The following SLIT3 variants were observed in gnomAD, a reference collection of about 807,000 sequenced individuals.
SLIT3 encodes the protein slit homolog 3 protein.
In SLIT3, 68 loss-of-function variants were observed where a neutral mutation model predicts 184.0. That is an observed-to-expected ratio of 0.37 (90% CI 0.30 to 0.45). SLIT3 has a LOEUF of 0.45. SLIT3 is among the 20% of genes least tolerant of loss of function. The probability of loss-of-function intolerance (pLI) is 1.00; values close to 1 mark genes in which losing one functional copy is unlikely to be tolerated. For synonymous variants in SLIT3, 831 were observed against 828.6 expected (o/e 1.00, Z -0.05); for missense variants, 1,707 against 2,026.0 (o/e 0.84, Z 3.02).
At chr5:168,782,582 C>G (rs1020410109) in intron 12 of SLIT3, among the ~76,000 whole-genome samples, 2 of 152,186 alleles carry the variant, frequency 1.3e-5, no homozygotes, top group African/African-American at 4.8e-5. Flanking sequence ...GACCATTCAC[C>G]CTGAGCTTCC....
intron 8 of SLIT3, among the ~76,000 whole-genome samples, chr5:168,806,984 C>T (rs976343540): frequency 2.4e-4 from 36 of 152,118 alleles, no homozygotes; most frequent in African/African-American, 8.4e-4. Flanking sequence ...AGCTTTTAGA[C>T]CTTTCTCTAG....
At chr5:168,777,682 G>T (rs1419793082) in intron 12 of SLIT3, among the ~76,000 whole-genome samples, 4 of 152,190 alleles carry the variant, frequency 2.6e-5, no homozygotes, top group Non-Finnish European at 5.9e-5. Context: ...AGAGTCTCCT[G>T]GTCACTCATT....
At chr5:168,765,252 G>C (rs966158592) in intron 14 of SLIT3, among the ~76,000 whole-genome samples, 3 of 152,148 alleles carry the variant, frequency 2.0e-5, no homozygotes, top group South Asian at 2.1e-4. Context: ...AGCAGGAATC[G>C]CTCTCAGTAG....
chr5:168,889,291 C>A (rs1171743765), intron 4 of SLIT3, among the ~76,000 whole-genome samples: 1 of 152,138 alleles, frequency 6.6e-6, no homozygotes, highest in South Asian at 2.1e-4. Context: ...AAATGAGCAC[C>A]AAGCATATGT....
At chr5:169,058,289 C>T (rs545987984) in intron 4 of SLIT3, among the ~76,000 whole-genome samples, 17 of 152,322 alleles carry the variant, frequency 1.1e-4, no homozygotes, top group African/African-American at 3.8e-4. Context: ...ATTCCAACAC[C>T]GATTCTTTGT....
chr5:168,875,004 G>C (rs1203602798), intron 5 of SLIT3, among the ~76,000 whole-genome samples: 1 of 151,972 alleles, frequency 6.6e-6, no homozygotes, highest in Non-Finnish European at 1.5e-5. Flanking sequence ...AAGAGTAAGG[G>C]CTCAGTGGTA....
intron 28 of SLIT3, among the ~76,000 whole-genome samples, chr5:168,694,636 TGA>T (rs1259272950): frequency 6.6e-6 from 1 of 152,314 alleles, no homozygotes; most frequent in Non-Finnish European, 1.5e-5. Context: ...TTTCTTTTTT[TGA>T]GACAGAGTTT....
rs2915812 is a variant in SLIT3 at position 168,742,528 on chromosome 5, C to A, written c.2270+5774G>T. Among the ~76,000 whole-genome samples, 21 of 90,906 alleles carry A rather than the reference C, an allele frequency of 2.3e-4. 3 individuals carry two copies. In the Middle Eastern group the frequency reaches 0.02, roughly 88 times the overall value. 59.6% of individuals were successfully genotyped at this position (90,906 alleles called of 152,430 possible). A position where few individuals can be genotyped will look rare whatever the true frequency, so the allele number is the denominator to read the frequency against. ...ACTCACCACGGCCTTTGAGACATAC[C>A]AGCTGCACACTTTCAGGCTTCTACT... On this transcript the variant is annotated intron_variant, in intron 20 of 35. Transcript: ENST00000519560.
At chr5:168,989,004 G>C (rs775975598) in intron 4 of SLIT3, among the ~76,000 whole-genome samples, 56 of 152,186 alleles carry the variant, frequency 3.7e-4, no homozygotes, top group Middle Eastern at 3.4e-3. Flanking sequence ...CAATGTTATT[G>C]GACATTTACA....
rs13359988 is a variant in SLIT3, at chr5:169,017,605, A to G, written c.414-134269T>C. On this transcript the variant is annotated intron_variant, in intron 4 of 35. Transcript: ENST00000519560. Reference sequence around the variant, plus strand: ...AATTGCAGCCAGCTCCTTTGAGTCAACTGATGCTTCCCACAAGCCTCTGCA... The same window carrying G: ...AATTGCAGCCAGCTCCTTTGAGTCAGCTGATGCTTCCCACAAGCCTCTGCA... 2.6e-3 allele frequency among the ~76,000 whole-genome samples: 401 copies of G among 152,336 alleles called. 3 individuals carry two copies. The highest frequency in any genetic ancestry group is 9.4e-3 in the African/African-American group (389 of 41,580).
At chr5:168,907,531 G>A (rs1761090903) in intron 4 of SLIT3, among the ~76,000 whole-genome samples, 1 of 152,136 alleles carries the variant, frequency 6.6e-6, no homozygotes, top group Admixed American at 6.6e-5. Flanking sequence ...GTGATAAAAC[G>A]AATGACTTCC....
At chr5:168,850,488 A>C (rs1317780042) in intron 5 of SLIT3, among the ~76,000 whole-genome samples, 1 of 152,220 alleles carries the variant, frequency 6.6e-6, no homozygotes, top group Admixed American at 6.5e-5. Flanking sequence ...TATAACTGGT[A>C]AAGCAATTGT....
intron 4 of SLIT3, among the ~76,000 whole-genome samples, chr5:168,886,601 C>A (rs1317800576): frequency 1.3e-5 from 2 of 152,142 alleles, no homozygotes; most frequent in African/African-American, 4.8e-5. Flanking sequence ...GGCAGACATG[C>A]TCAGAAGTGA....
chr5:168,710,205 G>C (rs902677526), intron 25 of SLIT3: 7 of 152,162 alleles, frequency 4.6e-5, no homozygotes, highest in Non-Finnish European at 8.8e-5. Flanking sequence ...AGCCTGGTAA[G>C]CCTCAATTTT....
intron 12 of SLIT3, among the ~76,000 whole-genome samples, chr5:168,783,463 T>C (rs1234923408): frequency 6.6e-6 from 1 of 152,008 alleles, no homozygotes; most frequent in Admixed American, 6.6e-5. Context: ...AACTACAATG[T>C]ACCCACTTTA....
intron 4 of SLIT3, among the ~76,000 whole-genome samples, chr5:169,133,177 G>A (rs1051946671): frequency 4.6e-5 from 7 of 152,030 alleles, no homozygotes; most frequent in Non-Finnish European, 1.0e-4. Flanking sequence ...CTACCTGTAG[G>A]CAGGAACTTC....
chr5:168,749,614 G>A lies in SLIT3; in HGVS notation c.1995C>T (p.Phe665=), dbSNP rs1268078822. Residue 665 remains phenylalanine, a synonymous_variant, in exon 19 of 36, where the codon TTC becomes TTT. Coordinates refer to ENST00000519560, the MANE Select transcript of SLIT3 (RefSeq NM_003062.4). ...LSTINLLSNP[F]NCNCHLAWLG... ...GCCAGGCCAGGTGGCAGTTGCAGTT[G>A]AAGGGGTTGGACAGGAGGTTTCTAG... 9.3e-6 allele frequency: 15 copies of A among 1,614,074 alleles called. No individual in the cohort carries two copies. Among genetic ancestry groups the A allele is most frequent in the Non-Finnish European group, 1.2e-5 (14 of 1,180,032 alleles).
At chr5:168,741,608 G>C (rs1419154409) in intron 20 of SLIT3, among the ~76,000 whole-genome samples, 1 of 152,112 alleles carries the variant, frequency 6.6e-6, no homozygotes, top group Non-Finnish European at 1.5e-5. Context: ...TGCTCTCAGG[G>C]AGCTCTTGGT....
chr5:168,899,164 T>C (rs148075864), intron 4 of SLIT3, among the ~76,000 whole-genome samples: 3 of 152,362 alleles, frequency 2.0e-5, no homozygotes, highest in African/African-American at 7.2e-5. Context: ...ATAACCACAA[T>C]TGTATTCCCT....
Sources: allele counts gnomAD v4.1 joint callset (sites outside exome capture counted in the v4.1 genomes callset), GRCh38; gene constraint gnomAD v4.1.1; transcripts MANE v1.5; gene names NCBI Gene and HGNC (gene_info 2026-07-23, HGNC 2026-07-21).